Variants in TIAM2 observed in about 807,000 individuals in gnomAD.
The protein encoded by TIAM2 is TIAM Rac1 associated GEF 2, also known as rho guanine nucleotide exchange factor TIAM2.
A neutral mutation model predicts 152.9 loss-of-function variants in TIAM2; 80 were observed. The observed-to-expected ratio is 0.52, with a 90% confidence interval of 0.44 to 0.63. The LOEUF (loss-of-function observed/expected upper bound fraction) is 0.63. TIAM2 is among the 30% of genes least tolerant of loss of function. TIAM2 has a pLI of 0.00. For synonymous variants in TIAM2, 804 were observed against 838.0 expected, an observed-to-expected ratio of 0.96 and a Z score of 0.70; for missense variants, 1,965 against 2,120.1, an observed-to-expected ratio of 0.93 and a Z score of 1.44.
intron 15 of TIAM2, among the ~76,000 whole-genome samples, chr6:155,238,637 C>G (rs1321223202): frequency 6.6e-6 from 1 of 152,248 alleles, no homozygotes; most frequent in African/African-American, 2.4e-5. Flanking sequence ...GAGCAGGCTC[C>G]CTCCAGGACA....
intron 1 of TIAM2, among the ~76,000 whole-genome samples, chr6:155,047,738 A>AGC (rs1777229252): frequency 6.9e-6 from 1 of 145,178 alleles, no homozygotes; most frequent in African/African-American, 2.6e-5. Flanking sequence ...AGAGAGAGAG[A>AGC]GAGAGAGCGA....
At chr6:155,121,378 C>A (rs1165709833) in intron 2 of TIAM2, among the ~76,000 whole-genome samples, 2 of 152,164 alleles carry the variant, frequency 1.3e-5, no homozygotes, top group Non-Finnish European at 2.9e-5. Context: ...ACATATGTTT[C>A]CACACTTGAT....
intron 2 of TIAM2, among the ~76,000 whole-genome samples, chr6:155,123,843 C>G (rs2115028117): frequency 6.6e-6 from 1 of 152,224 alleles, no homozygotes; most frequent in Middle Eastern, 3.4e-3. Flanking sequence ...TTGGTCTTTA[C>G]AAAAGGAAAC....
At chr6:155,102,770 TG>T (rs1238237838) in intron 2 of TIAM2, among the ~76,000 whole-genome samples, 73 of 11,318 alleles carry the variant, frequency 6.4e-3, no homozygotes, top group East Asian at 0.054. Context: ...TAATTTATTG[TG>T]TGTGTGTGTG....
chr6:155,136,374 AG>A (rs903099742), intron 4 of TIAM2, among the ~76,000 whole-genome samples: 1 of 151,592 alleles, frequency 6.6e-6, no homozygotes, highest in African/African-American at 2.4e-5. Context: ...TTCCAGGTTC[AG>A]GTGATTCTCC....
chr6:155,168,823 T>C (rs1432228471), intron 9 of TIAM2: 1 of 1,529,708 alleles, frequency 6.5e-7, no homozygotes, highest in African/African-American at 1.4e-5. Flanking sequence ...TTCATTAGTC[T>C]TTTTCCTCCC....
chr6:155,221,107 CTTGTTTT>C (rs1222395205), intron 15 of TIAM2, among the ~76,000 whole-genome samples: 115 of 65,476 alleles, frequency 1.8e-3, no homozygotes, highest in African/African-American at 6.0e-3. Flanking sequence ...TCTCTTTCAT[CTTGTTTT>C]TTTTTTTTTT....
rs139605643 is a variant in TIAM2, at chr6:155,120,290, G to T, written c.-117-7200G>T. Among the ~76,000 whole-genome samples, 105 of 152,278 alleles carry T rather than the reference G, an allele frequency of 6.9e-4. 1 individual carries two copies. The highest frequency in any genetic ancestry group is 2.2e-3 in the African/African-American group (93 of 41,554). ...AAGGAGTCCCGCTGAATTCAAAGAC[G>T]ACCAGTGAGGCCCAACAATGAAAGC... On this transcript the variant is annotated intron_variant, in intron 2 of 26. Coordinates refer to ENST00000682666, the MANE Select transcript of TIAM2 (RefSeq NM_012454.4).
intron 9 of TIAM2, chr6:155,168,846 T>C (rs868139817): frequency 2.0e-6 from 3 of 1,535,570 alleles, no homozygotes. Context: ...ATCTGTCAGA[T>C]ATTTGATTCA....
chr6:155,074,262 A>G (rs1437435422), intron 1 of TIAM2, among the ~76,000 whole-genome samples: 1 of 152,230 alleles, frequency 6.6e-6, no homozygotes, highest in African/African-American at 2.4e-5. Context: ...CCTTTGTAAA[A>G]TAGTGCACCA....
chr6:155,122,435 TGGA>T (rs1368611681), intron 2 of TIAM2, among the ~76,000 whole-genome samples: 2,961 of 145,584 alleles, frequency 0.02, 3 homozygotes, highest in South Asian at 0.041. Flanking sequence ...GAATGGAGAA[TGGA>T]AGGCAGGATT....
chr6:155,219,272 G>A (rs1027814196), intron 15 of TIAM2, among the ~76,000 whole-genome samples: 5 of 152,160 alleles, frequency 3.3e-5, no homozygotes, highest in Non-Finnish European at 5.9e-5. Flanking sequence ...CTTTTCCAAA[G>A]GGTTGCTTCA....
intron 1 of TIAM2, among the ~76,000 whole-genome samples, chr6:155,015,582 G>T (rs144366724): frequency 1.3e-5 from 2 of 152,272 alleles, no homozygotes; most frequent in African/African-American, 4.8e-5. Flanking sequence ...GACTCAGAAA[G>T]AATTGTCGAA....
intron 2 of TIAM2, among the ~76,000 whole-genome samples, chr6:155,109,108 C>T (rs982350518): frequency 7.2e-5 from 11 of 152,104 alleles, no homozygotes; most frequent in East Asian, 3.9e-4. Flanking sequence ...CTCAGCCTCC[C>T]GAGTAGCTGG....
At chr6:155,203,962 C>T (rs73577426) in intron 14 of TIAM2, among the ~76,000 whole-genome samples, 2,097 of 152,148 alleles carry the variant, frequency 0.014, 40 homozygotes, top group African/African-American at 0.048. Context: ...GAGGTGGTGG[C>T]GCTGACCACC....
chr6:155,010,310 C>T (rs1366750124), intron 1 of TIAM2, among the ~76,000 whole-genome samples: 8 of 152,098 alleles, frequency 5.3e-5, no homozygotes, highest in Non-Finnish European at 1.2e-4. Flanking sequence ...CATAAAAGAT[C>T]CACAGCTCAT....
Position 155,167,382 on chromosome 6 carries a change from T to C in TIAM2, c.2361+1973T>C, listed in dbSNP as rs553614859. Among the ~76,000 whole-genome samples the C allele has an allele frequency of 1.9e-3, 292 of 152,094 alleles. 1 individual carries two copies. The highest frequency in any genetic ancestry group is 6.7e-3 in the African/African-American group (279 of 41,490). On this transcript the variant is annotated intron_variant, in intron 9 of 26. Coordinates refer to ENST00000682666, the MANE Select transcript of TIAM2 (RefSeq NM_012454.4). ...GACTACAGGCTTGAGCCACCACACGTGGCTAATTTTTATATTTTTAGTAGA... is the reference window on the plus strand; with the variant it reads ...GACTACAGGCTTGAGCCACCACACGCGGCTAATTTTTATATTTTTAGTAGA...
chr6:155,241,331 CTT>C lies in TIAM2; in HGVS notation c.3348+624_3348+625del, dbSNP rs780135786. ...GAGCCTGGGGAGCAGAGTTCTTTTG[CTT>C]TGTTTCCTGGAGCTTTGGTACCATT... On this transcript the variant is annotated intron_variant, in intron 16 of 26. Transcript: ENST00000682666. Among the ~76,000 whole-genome samples, 7 of 152,302 alleles carry C rather than the reference CTT, an allele frequency of 4.6e-5. No individual in the cohort carries two copies. In the South Asian group the frequency reaches 1.5e-3, roughly 32 times the overall value.
intron 2 of TIAM2, among the ~76,000 whole-genome samples, chr6:155,091,140 G>C (rs1778294033): frequency 1.3e-5 from 2 of 152,062 alleles, no homozygotes; most frequent in Non-Finnish European, 2.9e-5. Flanking sequence ...CATGCTTTTT[G>C]GGTTTCAGCT....
Sources: allele counts gnomAD v4.1 joint callset (sites outside exome capture counted in the v4.1 genomes callset), GRCh38; gene constraint gnomAD v4.1.1; transcripts MANE v1.5; gene names NCBI Gene and HGNC (gene_info 2026-07-23, HGNC 2026-07-21).